AUTS2: variants seen among roughly 807,000 people sequenced by gnomAD.
The protein encoded by AUTS2 is autism susceptibility gene 2 protein.
In AUTS2, 17 loss-of-function variants were observed where a neutral mutation model predicts 112.4. The ratio of observed to expected loss-of-function variants is 0.15; its 90% CI spans 0.10 to 0.23. AUTS2 has a LOEUF of 0.23. AUTS2 is among the 10% of genes least tolerant of loss of function. The probability of loss-of-function intolerance (pLI) is 1.00; values close to 1 mark genes in which losing one functional copy is unlikely to be tolerated. For missense variants in AUTS2, 1,510 were observed against 1,701.6 expected, an observed-to-expected ratio of 0.89 and a Z score of 1.98; for synonymous variants, 751 against 702.7, an observed-to-expected ratio of 1.07 and a Z score of -1.09.
intron 6 of AUTS2, among the ~76,000 whole-genome samples, chr7:70,760,251 C>T (rs1160940920): frequency 6.6e-6 from 1 of 152,184 alleles, no homozygotes; most frequent in Non-Finnish European, 1.5e-5. Flanking sequence ...GTGATCCGCC[C>T]GCCTTGGCCT....
chr7:69,621,015 G>A (rs1490950046), intron 1 of AUTS2, among the ~76,000 whole-genome samples: 2 of 152,166 alleles, frequency 1.3e-5, no homozygotes, highest in Admixed American at 1.3e-4. Flanking sequence ...AATAGGACAT[G>A]AAAGTACTTA....
At chr7:70,698,520 C>G in intron 5 of AUTS2, 49 bp from the exon 6 acceptor site, 2 of 1,468,238 alleles carry the variant, frequency 1.4e-6, no homozygotes, top group Non-Finnish European at 1.9e-6. Context: ...ATGGTGATGA[C>G]AATATTAATG....
chr7:70,566,637 G>C (rs1433125806), intron 5 of AUTS2, among the ~76,000 whole-genome samples: 1 of 152,108 alleles, frequency 6.6e-6, no homozygotes, highest in East Asian at 1.9e-4. Context: ...ATCTCTATCT[G>C]ATCTTTCATG....
intron 4 of AUTS2, among the ~76,000 whole-genome samples, chr7:70,230,961 G>T (rs985526931): frequency 6.6e-6 from 1 of 152,226 alleles, no homozygotes; most frequent in Non-Finnish European, 1.5e-5. Context: ...TTCTGCATCA[G>T]GAAGCAGGGG....
chr7:70,307,434 G>A (rs1034541630), intron 4 of AUTS2, among the ~76,000 whole-genome samples: 9 of 152,174 alleles, frequency 5.9e-5, no homozygotes, highest in African/African-American at 1.4e-4. Context: ...GCCCTCAAAC[G>A]TGTTCTTGTC....
chr7:70,307,132 C>T (rs1008677104), intron 4 of AUTS2, among the ~76,000 whole-genome samples: 4 of 152,160 alleles, frequency 2.6e-5, no homozygotes, highest in Non-Finnish European at 5.9e-5. Context: ...GAAGAGGAAA[C>T]CATCATGTTT....
intron 4 of AUTS2, among the ~76,000 whole-genome samples, chr7:70,385,546 G>A (rs1793570244): frequency 6.6e-6 from 1 of 152,108 alleles, no homozygotes; most frequent in Non-Finnish European, 1.5e-5. Context: ...AAGCAAATTA[G>A]AAAATAGTCT....
intron 1 of AUTS2, among the ~76,000 whole-genome samples, chr7:69,791,315 A>G (rs1425723321): frequency 5.3e-5 from 8 of 152,242 alleles, no homozygotes; most frequent in African/African-American, 1.7e-4. Context: ...CAACATGGGT[A>G]ATGATTACAG....
chr7:70,178,074 C>A lies in AUTS2; in HGVS notation c.660+43503C>A, dbSNP rs376304613. Among the ~76,000 whole-genome samples, 56 of 152,164 alleles carry A rather than the reference C, an allele frequency of 3.7e-4. 1 individual carries two copies. In the South Asian group the frequency reaches 0.011, roughly 31 times the overall value. The stretch of plus-strand genomic sequence containing the variant: ...GGGGCTACAGGTGTGTGCCACCACA[C>A]CCAGCTAATTTTTGTATTTTTTGTA... On this transcript the variant is annotated intron_variant, in intron 4 of 18. Coordinates refer to ENST00000342771, the MANE Select transcript of AUTS2 (RefSeq NM_015570.4).
chr7:70,573,844 C>A (rs1802048795), intron 5 of AUTS2, among the ~76,000 whole-genome samples: 1 of 151,670 alleles, frequency 6.6e-6, no homozygotes. Flanking sequence ...TTGGTTTTCT[C>A]CAAAGAATGC....
At chr7:70,557,872 G>A (rs562272214) in intron 5 of AUTS2, among the ~76,000 whole-genome samples, 3 of 152,324 alleles carry the variant, frequency 2.0e-5, no homozygotes, top group African/African-American at 7.2e-5. Context: ...TTCCAGAGCT[G>A]GAGCAGGGGG....
At chr7:70,193,059 G>A (rs1809987138) in intron 4 of AUTS2, among the ~76,000 whole-genome samples, 1 of 152,184 alleles carries the variant, frequency 6.6e-6, no homozygotes, top group South Asian at 2.1e-4. Flanking sequence ...ATCAACCAGT[G>A]GGATTCTTTT....
chr7:69,954,161 C>T (rs553168940), intron 2 of AUTS2, among the ~76,000 whole-genome samples: 1 of 152,230 alleles, frequency 6.6e-6, no homozygotes, highest in South Asian at 2.1e-4. Context: ...TCAATCACTC[C>T]ACATAGTTAC....
At chr7:70,552,808 A>G (rs1157215932) in intron 5 of AUTS2, among the ~76,000 whole-genome samples, 1 of 152,204 alleles carries the variant, frequency 6.6e-6, no homozygotes, top group African/African-American at 2.4e-5. Context: ...CAGGAAGTGA[A>G]TGAAGTAGTT....
intron 4 of AUTS2, among the ~76,000 whole-genome samples, chr7:70,259,456 A>G (rs960915870): frequency 6.6e-6 from 1 of 152,198 alleles, no homozygotes; most frequent in Non-Finnish European, 1.5e-5. Flanking sequence ...CTCACTCATC[A>G]TCATGTCAAG....
rs57779806 is a variant in AUTS2, at chr7:70,378,370, T to G, written c.661-57382T>G. On this transcript the variant is annotated intron_variant, in intron 4 of 18. Coordinates refer to ENST00000342771, the MANE Select transcript of AUTS2 (RefSeq NM_015570.4). ...GAACTTTAAATATTCTTACGGTTCT[T>G]TCCTATGTTATCTGCCTATAGTAAA... 7.9e-3 allele frequency among the ~76,000 whole-genome samples: 1,198 copies of G among 152,330 alleles called. 26 individuals carry two copies. Among genetic ancestry groups the G allele is most frequent in the African/African-American group, 0.027 (1,140 of 41,570 alleles).
chr7:69,872,721 G>GA lies in AUTS2; in HGVS notation c.310-26563dup, dbSNP rs1401685815. ...TGGTTGGTAGGAAGTAGAACTTGTAGAAGGTGCAGTTAAAACTACTATTAA... is the reference window on the plus strand; with the variant it reads ...TGGTTGGTAGGAAGTAGAACTTGTAGAAAGGTGCAGTTAAAACTACTATTAA... On this transcript the variant is annotated intron_variant, in intron 1 of 18. Coordinates refer to ENST00000342771, the MANE Select transcript of AUTS2 (RefSeq NM_015570.4). Among the ~76,000 whole-genome samples, 11 of 151,514 alleles carry GA rather than the reference G, an allele frequency of 7.3e-5. No homozygotes were observed. In the East Asian group the frequency reaches 2.0e-3, roughly 27 times the overall value.
intron 1 of AUTS2, among the ~76,000 whole-genome samples, chr7:69,724,705 T>C (rs1786421396): frequency 6.6e-6 from 1 of 152,118 alleles, no homozygotes; most frequent in Non-Finnish European, 1.5e-5. Context: ...GTGATCATTG[T>C]CCCCCCTTTT....
chr7:69,773,922 C>T (rs1310666780), intron 1 of AUTS2, among the ~76,000 whole-genome samples: 1 of 152,228 alleles, frequency 6.6e-6, no homozygotes, highest in African/African-American at 2.4e-5. Context: ...AAACCAGTGC[C>T]AGTCAGTGCC....
Sources: allele counts gnomAD v4.1 joint callset (sites outside exome capture counted in the v4.1 genomes callset), GRCh38; gene constraint gnomAD v4.1.1; transcripts MANE v1.5; gene names NCBI Gene and HGNC (gene_info 2026-07-23, HGNC 2026-07-21).